CSMD1: variants seen among roughly 807,000 people sequenced by gnomAD.
CSMD1 encodes CUB and sushi domain-containing protein 1.
In CSMD1, 213 loss-of-function variants were observed where a neutral mutation model predicts 417.5. That is an observed-to-expected ratio of 0.51 (90% CI 0.46 to 0.57). The LOEUF (loss-of-function observed/expected upper bound fraction) is 0.57, where lower values mean the gene tolerates loss of function less well. Among genes scored for constraint, CSMD1 ranks in the 20% least tolerant of loss-of-function variants. The pLI, the probability that CSMD1 is intolerant of heterozygous loss-of-function variation, is 0.00. For missense variants in CSMD1, 6,923 were observed against 4,529.7 expected (o/e 1.53, Z -15.17); for synonymous variants, 2,862 against 1,736.8 (o/e 1.65, Z -16.11).
chr8:3,864,391 G>A (rs1804937431), intron 5 of CSMD1, among the ~76,000 whole-genome samples: 1 of 152,232 alleles, frequency 6.6e-6, no homozygotes, highest in South Asian at 2.1e-4. Context: ...TAATCAAAAG[G>A]TGCAAAGATG....
chr8:3,270,034 C>A (rs7009452), intron 26 of CSMD1, among the ~76,000 whole-genome samples: 2 of 142,702 alleles, frequency 1.4e-5, no homozygotes, highest in East Asian at 4.5e-4. Context: ...CAAGGACTTT[C>A]TCTAACCTCT....
chr8:4,741,999 A>C (rs1425140865), intron 1 of CSMD1, among the ~76,000 whole-genome samples: 45 of 41,348 alleles, frequency 1.1e-3, no homozygotes, highest in African/African-American at 2.8e-3. Flanking sequence ...CACCACACCC[A>C]CTTTTTTTTT....
chr8:3,905,339 T>C (rs1808043487), intron 5 of CSMD1, among the ~76,000 whole-genome samples: 1 of 152,180 alleles, frequency 6.6e-6, no homozygotes, highest in Non-Finnish European at 1.5e-5. Flanking sequence ...AAATCCAACA[T>C]AAAAGTTGAT....
chr8:3,693,999 G>A (rs1253270817), intron 7 of CSMD1, among the ~76,000 whole-genome samples: 1 of 151,200 alleles, frequency 6.6e-6, no homozygotes, highest in Non-Finnish European at 1.5e-5. Context: ...GTGTGTGTGT[G>A]TTGTGTGTGT....
At chr8:4,636,798 G>A (rs1276403672) in intron 2 of CSMD1, among the ~76,000 whole-genome samples, 1 of 152,094 alleles carries the variant, frequency 6.6e-6, no homozygotes, top group African/African-American at 2.4e-5. Flanking sequence ...TTCTTTTCTG[G>A]TAATGAGGGG....
At chr8:3,113,922 T>A (rs1234281756) in intron 42 of CSMD1, among the ~76,000 whole-genome samples, 2 of 152,116 alleles carry the variant, frequency 1.3e-5, no homozygotes, top group Non-Finnish European at 2.9e-5. Context: ...TTACATCAAA[T>A]TAAAATTAAA....
At chr8:4,177,572 C>G (rs997799254) in intron 3 of CSMD1, among the ~76,000 whole-genome samples, 2 of 151,662 alleles carry the variant, frequency 1.3e-5, no homozygotes, top group Non-Finnish European at 2.9e-5. Flanking sequence ...CAAGAAATAA[C>G]TAAAATCAGA....
At chr8:3,713,905 C>A (rs1222403857) in intron 6 of CSMD1, among the ~76,000 whole-genome samples, 1 of 152,032 alleles carries the variant, frequency 6.6e-6, no homozygotes, top group African/African-American at 2.4e-5. Context: ...GTAATTTTAT[C>A]AATGCCTCTT....
chr8:4,612,093 G>C (rs1328407720), intron 2 of CSMD1, among the ~76,000 whole-genome samples: 1 of 152,104 alleles, frequency 6.6e-6, no homozygotes, highest in Non-Finnish European at 1.5e-5. Flanking sequence ...CTGGGAAGAG[G>C]AGGCACAGAC....
Position 3,201,618 on chromosome 8 carries a change from G to A in CSMD1, c.5092C>T (p.His1698Tyr). Reference sequence around the variant, plus strand: ...AAAATTCTTTAAGACTTACCTGAGTGAGACCCCGAGAGTGAGCTGAGAAGT... The same window carrying A: ...AAAATTCTTTAAGACTTACCTGAGTAAGACCCCGAGAGTGAGCTGAGAAGT... ...ARLLSSLSGS[H>Y]SGETLPLATS... is the part of the protein sequence containing the mutation. The change falls in exon 32 of 70, where the codon CAC becomes TAC. Residue 1698 changes from histidine (H) to tyrosine (Y), a missense_variant. Coordinates refer to ENST00000635120, the MANE Select transcript of CSMD1 (RefSeq NM_033225.6). The A allele has an allele frequency of 1.9e-6, 3 of 1,593,598 alleles. No homozygotes were observed. The highest frequency in any genetic ancestry group is 2.6e-6 in the Non-Finnish European group (3 of 1,167,914).
chr8:3,865,926 C>T (rs148324819), intron 5 of CSMD1, among the ~76,000 whole-genome samples: 3 of 152,098 alleles, frequency 2.0e-5, no homozygotes, highest in Non-Finnish European at 2.9e-5. Context: ...TAATTAACTC[C>T]TCATGTTTCC....
chr8:4,450,116 A>T (rs957553922), intron 2 of CSMD1, among the ~76,000 whole-genome samples: 1 of 152,060 alleles, frequency 6.6e-6, no homozygotes, highest in African/African-American at 2.4e-5. Flanking sequence ...GTACACCAGC[A>T]CTTCTTTGTC....
At chr8:4,683,200 T>C (rs899479972) in intron 1 of CSMD1, among the ~76,000 whole-genome samples, 4 of 152,164 alleles carry the variant, frequency 2.6e-5, no homozygotes, top group African/African-American at 9.6e-5. Flanking sequence ...AATATGTTCA[T>C]GAAACAACTT....
intron 10 of CSMD1, among the ~76,000 whole-genome samples, chr8:3,540,951 C>A (rs1798412222): frequency 6.6e-6 from 1 of 152,180 alleles, no homozygotes; most frequent in Admixed American, 6.5e-5. Context: ...TTAGTTCAAC[C>A]ATTGTGGAGG....
intron 1 of CSMD1, among the ~76,000 whole-genome samples, chr8:4,695,616 A>G (rs1483265832): frequency 6.6e-6 from 1 of 152,086 alleles, no homozygotes; most frequent in Non-Finnish European, 1.5e-5. Flanking sequence ...AGCCTTCCCC[A>G]TTCTCAACAT....
chr8:3,164,816 A>G (rs1820110602), intron 37 of CSMD1, among the ~76,000 whole-genome samples: 1 of 152,218 alleles, frequency 6.6e-6, no homozygotes, highest in Non-Finnish European at 1.5e-5. Flanking sequence ...ATTACAATTC[A>G]TATTAAAGGC....
intron 7 of CSMD1, among the ~76,000 whole-genome samples, chr8:3,693,297 G>A (rs563431514): frequency 6.6e-6 from 1 of 152,088 alleles, no homozygotes; most frequent in Non-Finnish European, 1.5e-5. Context: ...TTATATTCTA[G>A]GAGAAAATGA....
intron 4 of CSMD1, among the ~76,000 whole-genome samples, chr8:4,022,950 T>C (rs1333912565): frequency 6.6e-6 from 1 of 152,154 alleles, no homozygotes; most frequent in East Asian, 1.9e-4. Flanking sequence ...ATAAGGATAA[T>C]TCAAAATTTG....
At chr8:4,765,640 A>T (rs1286165749) in intron 1 of CSMD1, among the ~76,000 whole-genome samples, 16 of 152,226 alleles carry the variant, frequency 1.1e-4, no homozygotes, top group Admixed American at 8.5e-4. Context: ...AAAACTGCTC[A>T]CTAAAGATAT....
Sources: allele counts gnomAD v4.1 joint callset (sites outside exome capture counted in the v4.1 genomes callset), GRCh38; gene constraint gnomAD v4.1.1; transcripts MANE v1.5; gene names NCBI Gene and HGNC (gene_info 2026-07-23, HGNC 2026-07-21).